CCBE1: variants seen among roughly 807,000 people sequenced by gnomAD.
CCBE1 encodes the protein collagen and calcium-binding EGF domain-containing protein 1.
Under a neutral mutation model 50.0 loss-of-function variants are expected in CCBE1, and 37 were observed. The ratio of observed to expected loss-of-function variants is 0.74; its 90% confidence interval spans 0.57 to 0.97. The LOEUF (loss-of-function observed/expected upper bound fraction) is 0.97. Ranked by LOEUF, CCBE1 falls within the 50% of genes least tolerant of loss-of-function variation. The pLI is 0.00. For missense variants in CCBE1, 538 were observed against 523.8 expected, an observed-to-expected ratio of 1.03 and a Z score of -0.26; for synonymous variants, 234 against 203.7, an observed-to-expected ratio of 1.15 and a Z score of -1.27.
chr18:59,575,562 C>G (rs1371789391), intron 2 of CCBE1, among the ~76,000 whole-genome samples: 1 of 152,162 alleles, frequency 6.6e-6, no homozygotes, highest in Admixed American at 6.6e-5. Flanking sequence ...ATGATCAATG[C>G]TGACAAAGGA....
At chr18:59,541,673 G>A (rs1042326704) in intron 2 of CCBE1, among the ~76,000 whole-genome samples, 3 of 152,192 alleles carry the variant, frequency 2.0e-5, no homozygotes, top group African/African-American at 7.2e-5. Flanking sequence ...TCAGCAGGAG[G>A]AGTGAGGAAG....
chr18:59,651,043 C>G (rs1371896044), intron 2 of CCBE1, among the ~76,000 whole-genome samples: 1 of 152,184 alleles, frequency 6.6e-6, no homozygotes, highest in African/African-American at 2.4e-5. Context: ...TTCCTCGCCA[C>G]AGCCAGCTAA....
chr18:59,446,427 C>A (rs1910672245), intron 7 of CCBE1, among the ~76,000 whole-genome samples: 1 of 152,146 alleles, frequency 6.6e-6, no homozygotes, highest in African/African-American at 2.4e-5. Flanking sequence ...TTAGAAGCAG[C>A]CAGAGGGTGC....
intron 2 of CCBE1, among the ~76,000 whole-genome samples, chr18:59,670,407 C>T (rs912960253): frequency 1.2e-4 from 19 of 152,018 alleles, no homozygotes; most frequent in Non-Finnish European, 2.4e-4. Flanking sequence ...TGAGAAGAGG[C>T]GTGGGCTTAG....
intron 2 of CCBE1, among the ~76,000 whole-genome samples, chr18:59,485,098 C>G (rs627065): frequency 0.6 from 90,875 of 151,942 alleles, 27,815 homozygotes; most frequent in African/African-American, 0.72. Context: ...TTCTTAATAC[C>G]CTTCACGTGT....
chr18:59,492,865 T>C (rs1470333891), intron 2 of CCBE1, among the ~76,000 whole-genome samples: 1 of 152,210 alleles, frequency 6.6e-6, no homozygotes, highest in Non-Finnish European at 1.5e-5. Flanking sequence ...CATGGAGCCC[T>C]TGACCCTTAC....
chr18:59,652,731 G>A (rs764007034), intron 2 of CCBE1, among the ~76,000 whole-genome samples: 20 of 152,320 alleles, frequency 1.3e-4, no homozygotes, highest in Non-Finnish European at 2.1e-4. Flanking sequence ...TCGGGAGGCC[G>A]AGGCGGGTGG....
intron 2 of CCBE1, among the ~76,000 whole-genome samples, chr18:59,597,130 C>A (rs1224223855): frequency 6.6e-6 from 1 of 152,230 alleles, no homozygotes; most frequent in Non-Finnish European, 1.5e-5. Context: ...TGTGATCAGG[C>A]TAGGGGCTTA....
chr18:59,615,207 T>G (rs565919498), intron 2 of CCBE1, among the ~76,000 whole-genome samples: 1 of 152,366 alleles, frequency 6.6e-6, no homozygotes, highest in African/African-American at 2.4e-5. Context: ...GGGAAAACAC[T>G]GCTCTGATGG....
intron 2 of CCBE1, among the ~76,000 whole-genome samples, chr18:59,624,685 C>A (rs2053756491): frequency 6.6e-6 from 1 of 152,170 alleles, no homozygotes; most frequent in South Asian, 2.1e-4. Context: ...AGAAACTTCA[C>A]ATACCAAAAA....
chr18:59,681,565 C>G (rs916083123), intron 2 of CCBE1, among the ~76,000 whole-genome samples: 3 of 152,172 alleles, frequency 2.0e-5, no homozygotes. Context: ...TTCTGCTATC[C>G]TATGGCACAG....
At chr18:59,657,777 C>T (rs1051248371) in intron 2 of CCBE1, among the ~76,000 whole-genome samples, 3 of 152,186 alleles carry the variant, frequency 2.0e-5, no homozygotes, top group African/African-American at 7.2e-5. Context: ...GTAATCTCAA[C>T]TACTCAAGAG....
At chr18:59,548,364 T>C (rs1361940661) in intron 2 of CCBE1, among the ~76,000 whole-genome samples, 2 of 152,246 alleles carry the variant, frequency 1.3e-5, no homozygotes, top group Non-Finnish European at 2.9e-5. Flanking sequence ...GTGAGTTATA[T>C]CTAAAGGAAA....
intron 2 of CCBE1, among the ~76,000 whole-genome samples, chr18:59,677,376 G>T (rs2054519377): frequency 6.6e-6 from 1 of 152,132 alleles, no homozygotes; most frequent in South Asian, 2.1e-4. Context: ...TGTGAGTGGG[G>T]GCTGGTCGGG....
intron 2 of CCBE1, among the ~76,000 whole-genome samples, chr18:59,657,508 A>G (rs1046675652): frequency 6.6e-6 from 1 of 152,254 alleles, no homozygotes; most frequent in Non-Finnish European, 1.5e-5. Context: ...TTTAAAAAAG[A>G]GGATTGCTTT....
chr18:59,494,934 A>G (rs1913277488), intron 2 of CCBE1, among the ~76,000 whole-genome samples: 1 of 152,154 alleles, frequency 6.6e-6, no homozygotes. Context: ...CAGGCAGATC[A>G]CTTGAGGCCA....
At chr18:59,459,450 T>A (rs1911357799) in intron 5 of CCBE1, among the ~76,000 whole-genome samples, 1 of 152,230 alleles carries the variant, frequency 6.6e-6, no homozygotes, top group Admixed American at 6.5e-5. Context: ...TCCTCTCAAC[T>A]AATGCTGTGG....
intron 2 of CCBE1, among the ~76,000 whole-genome samples, chr18:59,514,606 G>A (rs561658604): frequency 7.0e-6 from 1 of 142,092 alleles, no homozygotes; most frequent in Non-Finnish European, 1.5e-5. Context: ...GGGAATTTAG[G>A]CATGCTCTCC....
At chr18:59,443,390 G>C (rs1019792813) in intron 7 of CCBE1, among the ~76,000 whole-genome samples, 1 of 152,104 alleles carries the variant, frequency 6.6e-6, no homozygotes, top group African/African-American at 2.4e-5. Flanking sequence ...ACATCAGCTG[G>C]GGGGATGAGG....
Sources: allele counts gnomAD v4.1 joint callset (sites outside exome capture counted in the v4.1 genomes callset), GRCh38; gene constraint gnomAD v4.1.1; transcripts MANE v1.5; gene names NCBI Gene and HGNC (gene_info 2026-07-23, HGNC 2026-07-21).